XRN2: variants seen among roughly 807,000 people sequenced by gnomAD.
The protein encoded by XRN2 is 5'-3' exoribonuclease 2, also known as DHM1-like protein.
A neutral mutation model predicts 138.5 loss-of-function variants in XRN2; 44 were observed. The observed-to-expected ratio is 0.32, with a 90% confidence interval of 0.25 to 0.41. XRN2 has a LOEUF of 0.41. XRN2 is among the 10% of genes least tolerant of loss of function. The pLI, the probability that XRN2 is intolerant of heterozygous loss-of-function variation, is 1.00. For missense variants in XRN2, 937 were observed against 1,169.3 expected (o/e 0.80, Z 2.90); for synonymous variants, 354 against 369.4 (o/e 0.96, Z 0.48).
In XRN2 at chr20:21,386,969, G is replaced by T. The variant is rs754350612; in HGVS notation, c.2750G>T (p.Gly917Val). 3.1e-6 allele frequency: 5 copies of T among 1,613,668 alleles called. No homozygotes were observed. The South Asian group carries it at 4.4e-5, about 14-fold the overall frequency. Residue 917 changes from glycine to valine, a missense_variant, in exon 29 of 30, where the codon GGG becomes GTG. Around this residue, in one of 6 missense-constraint regions of XRN2, gnomAD observed 372 missense variants for 414.4 expected, o/e 0.90. Coordinates refer to ENST00000377191, the MANE Select transcript of XRN2 (RefSeq NM_012255.5). The part of the protein sequence containing the change: ...NQYQMLAGPG[G>V]YPPRRDDRGG... ...TACCAGATGCTAGCTGGGCCTGGTG[G>T]GTATCCACCCAGACGAGATGATCGT... is the stretch of plus-strand genomic sequence containing the variant.
chr20:21,324,451 G>A (rs997076159), intron 1 of XRN2, among the ~76,000 whole-genome samples: 1 of 146,544 alleles, frequency 6.8e-6, no homozygotes, highest in African/African-American at 2.5e-5. Context: ...ATTGAATGCT[G>A]TTTTATTTAT....
chr20:21,313,154 G>T (rs1174124020), intron 1 of XRN2, among the ~76,000 whole-genome samples: 1 of 152,220 alleles, frequency 6.6e-6, no homozygotes, highest in African/African-American at 2.4e-5. Context: ...CTTTTCCTTA[G>T]TGGACTTTAT....
At chr20:21,366,407 G>A (rs1241012620) in intron 26 of XRN2, among the ~76,000 whole-genome samples, 1 of 150,338 alleles carries the variant, frequency 6.7e-6, no homozygotes, top group Non-Finnish European at 1.5e-5. Context: ...AAAGTTATCT[G>A]GGCATGGTGG....
chr20:21,385,334 T>C (rs1297808820), intron 28 of XRN2, among the ~76,000 whole-genome samples: 1 of 152,200 alleles, frequency 6.6e-6, no homozygotes, highest in Non-Finnish European at 1.5e-5. Context: ...AACCTTAGTT[T>C]AGCCCTTCAC....
At chr20:21,330,370 GACTTC>G (rs1225690765) in intron 4 of XRN2, 106 bp from the exon 5 acceptor site, 82 of 1,023,260 alleles carry the variant, frequency 8.0e-5, no homozygotes, top group Non-Finnish European at 1.0e-4. Flanking sequence ...CGGATGACGA[GACTTC>G]ACTTTCTTTT....
chr20:21,318,093 T>C (rs6047374), intron 1 of XRN2, among the ~76,000 whole-genome samples: 103,121 of 151,506 alleles, frequency 0.68, 35,733 homozygotes, highest in South Asian at 0.84. Flanking sequence ...CTGATTTAAT[T>C]GCTTTAACTT....
At position 21,332,306 on chromosome 20, in the gene XRN2, G is replaced by A; in HGVS notation, c.724G>A (p.Ala242Thr). Residue 242 changes from alanine to threonine, a missense_variant, in exon 9 of 30, where the codon GCC becomes ACC. Physicochemically the swap from Ala to Thr is moderately conservative, Grantham distance 58. Around this residue, in one of 6 missense-constraint regions of XRN2, gnomAD observed 471 missense variants for 581.2 expected, o/e 0.81. Transcript: ENST00000377191. ...ADADLIMLGL[A>T]THEPNFTIIR... ...AGCTGATCTCATTATGCTTGGCCTTGCCACACATGAACCGAACTTTACCAT... is the reference window on the plus strand; with the variant it reads ...AGCTGATCTCATTATGCTTGGCCTTACCACACATGAACCGAACTTTACCAT... The A allele has an allele frequency of 1.2e-6, 2 of 1,612,734 alleles. No homozygotes were observed. Among genetic ancestry groups the A allele is most frequent in the Non-Finnish European group, 1.7e-6 (2 of 1,179,422 alleles).
At chr20:21,329,856 GGTGT>G (rs60020864) in intron 4 of XRN2, among the ~76,000 whole-genome samples, 62,233 of 145,786 alleles carry the variant, frequency 0.43, 15,103 homozygotes, top group Non-Finnish European at 0.54. Flanking sequence ...GCCTCTAACT[GGTGT>G]GTGTGTGTGT....
At chr20:21,325,565 T>C (rs2038113798) in intron 1 of XRN2, among the ~76,000 whole-genome samples, 1 of 152,092 alleles carries the variant, frequency 6.6e-6, no homozygotes, top group African/African-American at 2.4e-5. Flanking sequence ...AAGTGGGTGT[T>C]GACAAGGGAG....
chr20:21,336,260 G>GACC (rs2038291036), intron 13 of XRN2, among the ~76,000 whole-genome samples: 1 of 152,216 alleles, frequency 6.6e-6, no homozygotes, highest in Non-Finnish European at 1.5e-5. Flanking sequence ...AGGAGCTTGA[G>GACC]ACCAGCCTGG....
At chr20:21,319,569 C>T (rs2122182933) in intron 1 of XRN2, among the ~76,000 whole-genome samples, 1 of 151,876 alleles carries the variant, frequency 6.6e-6, no homozygotes, top group South Asian at 2.1e-4. Context: ...TAATTTTTTC[C>T]ACTATATATT....
intron 17 of XRN2, 120 bp from the exon 18 acceptor site, chr20:21,348,026 G>T (rs1002453534): frequency 2.5e-6 from 2 of 799,140 alleles, no homozygotes; most frequent in Non-Finnish European, 3.8e-6. Flanking sequence ...ATATATGCCA[G>T]AAGTCATGTG....
chr20:21,305,175 C>G (rs1039016117), intron 1 of XRN2, among the ~76,000 whole-genome samples: 1 of 152,170 alleles, frequency 6.6e-6, no homozygotes, highest in Non-Finnish European at 1.5e-5. Flanking sequence ...TGCTGGAAAG[C>G]TGCATCTGGG....
Position 21,333,707 on chromosome 20 carries a change from T to G in XRN2, c.937T>G (p.Leu313Val). Reference sequence around the variant, plus strand: ...CAGCATTCCTTTTTGGTTGTAGTATTTGGAAAGAGAACTCACAATGGCCAG... The same window carrying G: ...CAGCATTCCTTTTTGGTTGTAGTATGTGGAAAGAGAACTCACAATGGCCAG... ...FLRLNVLREYLERELTMASLP... is the reference protein window; with the variant it reads ...FLRLNVLREYVERELTMASLP... Residue 313 changes from leucine to valine, a missense_variant, in exon 11 of 30, where the codon TTG (leucine) becomes GTG (valine). Leu to Val is a conservative substitution (Grantham distance 32). This residue lies in a region of XRN2 where 471 missense variants were observed against 581.2 expected (regional missense o/e 0.81). Transcript: ENST00000377191. 1 of 1,614,074 alleles carries G rather than the reference T, an allele frequency of 6.2e-7. No homozygotes were observed.
In XRN2 at chr20:21,365,606, G is replaced by C; in HGVS notation, c.2358G>C (p.Trp786Cys). The C allele has an allele frequency of 6.2e-7, 1 of 1,613,202 alleles. No homozygotes were observed. The highest frequency in any genetic ancestry group is 1.1e-5 in the South Asian group (1 of 91,044). ...KPAAVLKPSD[W>C]EKSSNGRQWK... ...CAGCAGTACTGAAACCTAGTGACTGGGAAAAATCCAGCAATGGACGGCAGT... is the reference window on the plus strand; with the variant it reads ...CAGCAGTACTGAAACCTAGTGACTGCGAAAAATCCAGCAATGGACGGCAGT... The change falls in exon 26 of 30, where the codon TGG becomes TGC. Residue 786 changes from tryptophan (W) to cysteine (C), a missense_variant. This residue lies in a region of XRN2 where 372 missense variants were observed against 414.4 expected (regional missense o/e 0.90). Transcript: ENST00000377191.
chr20:21,319,872 A>G (rs574539336), intron 1 of XRN2, among the ~76,000 whole-genome samples: 33 of 152,270 alleles, frequency 2.2e-4, no homozygotes, highest in African/African-American at 7.9e-4. Context: ...TATTACACAT[A>G]TATTACATTC....
intron 26 of XRN2, 30 bp from the exon 27 acceptor site, chr20:21,368,433 T>C (rs755777083): frequency 6.2e-7 from 1 of 1,611,896 alleles, no homozygotes; most frequent in Admixed American, 1.7e-5. Flanking sequence ...ACTATACAAT[T>C]TTTTTTTCTT....
Position 21,340,776 on chromosome 20 carries a change from C to T in XRN2, c.1334C>T (p.Ser445Leu), listed in dbSNP as rs202222708. 5 of 1,613,966 alleles carry T rather than the reference C, an allele frequency of 3.1e-6. No homozygotes were observed. The highest frequency in any genetic ancestry group is 1.7e-4 in the Middle Eastern group (1 of 6,056). The change falls in exon 15 of 30, where the codon TCA (serine) becomes TTA (leucine). Residue 445 changes from serine (S) to leucine (L), a missense_variant. Transcript: ENST00000377191. Reference sequence around the variant, plus strand: ...ATATTAACTCCTCATGCCTTGGGTTCAAGAAATTCACCAGGTTCTCAAGTA... The same window carrying T: ...ATATTAACTCCTCATGCCTTGGGTTTAAGAAATTCACCAGGTTCTCAAGTA... ...SGILTPHALG[S>L]RNSPGSQVAS...
Position 21,346,397 on chromosome 20 carries a change from A to G in XRN2, c.1530-18A>G. 1 of 1,613,684 alleles carries G rather than the reference A, an allele frequency of 6.2e-7. No individual in the cohort carries two copies. Among genetic ancestry groups the G allele is most frequent in the Non-Finnish European group, 8.5e-7 (1 of 1,179,642 alleles). ...AAGGTGTGTTAATTCAGCATAAATGAGCTGTGCCTGGTTTTAGGTTATGGG... is the reference window on the plus strand; with the variant it reads ...AAGGTGTGTTAATTCAGCATAAATGGGCTGTGCCTGGTTTTAGGTTATGGG... On this transcript the variant is annotated intron_variant, in intron 16 of 29. Transcript: ENST00000377191.
Sources: gnomAD v4.1 joint callset for allele counts (sites outside exome capture counted in the v4.1 genomes callset) on GRCh38, gnomAD v4.1.1 for gene constraint, gnomAD v4.1.1 regional missense constraint, MANE v1.5 for transcripts, NCBI Gene and HGNC (gene_info 2026-07-23, HGNC 2026-07-21) for gene names.